SNAPC1: variants seen among roughly 807,000 people sequenced by gnomAD.
SNAPC1 encodes the protein small nuclear RNA activating complex polypeptide 1.
In SNAPC1, 42 loss-of-function variants were observed where a neutral mutation model predicts 50.1. The observed-to-expected ratio is 0.84, with a 90% confidence interval of 0.65 to 1.08. The LOEUF is 1.08. SNAPC1 is among the 50% of genes least tolerant of loss of function. The probability of loss-of-function intolerance (pLI) is 0.00; values close to 1 mark genes in which losing one functional copy is unlikely to be tolerated. For synonymous variants in SNAPC1, 164 were observed against 144.2 expected, an observed-to-expected ratio of 1.14 and a Z score of -0.98; for missense variants, 477 against 427.3, an observed-to-expected ratio of 1.12 and a Z score of -1.02.
rs1292327069 is a variant in SNAPC1 at position 61,764,599 on chromosome 14, G to A, written c.128+2011G>A. Among the ~76,000 whole-genome samples, 5 of 152,180 alleles carry A rather than the reference G, an allele frequency of 3.3e-5. 1 individual carries two copies. Among genetic ancestry groups the A allele is most frequent in the Non-Finnish European group, 7.4e-5 (5 of 68,026 alleles). ...TTTCTCCACCATTACAAAGATAGTGGATTGTAGAGCAGATGTTGGAAACTA... is the reference window on the plus strand; with the variant it reads ...TTTCTCCACCATTACAAAGATAGTGAATTGTAGAGCAGATGTTGGAAACTA... On this transcript the variant is annotated intron_variant, in intron 1 of 9. Coordinates refer to ENST00000216294, the MANE Select transcript of SNAPC1 (RefSeq NM_003082.4).
Position 61,783,864 on chromosome 14 carries a change from G to A in SNAPC1, c.976+1467G>A, listed in dbSNP as rs1415160040. Among the ~76,000 whole-genome samples, 5 of 152,054 alleles carry A rather than the reference G, an allele frequency of 3.3e-5. No individual in the cohort carries two copies. In the East Asian group the frequency reaches 9.6e-4, roughly 29 times the overall value. On this transcript the variant is annotated intron_variant, in intron 8 of 9. Transcript: ENST00000216294. ...TAGTTTGGTTTTTTAAAAATTGTCTGAATAATGTATATGCACCCTACATAA... is the reference window on the plus strand; with the variant it reads ...TAGTTTGGTTTTTTAAAAATTGTCTAAATAATGTATATGCACCCTACATAA...
rs1438989021 is a variant in SNAPC1 at position 61,779,060 on chromosome 14, A to G, written c.825+150A>G. The G allele has an allele frequency of 5.7e-6, 3 of 530,532 alleles. No individual in the cohort carries two copies. The East Asian group carries it at 1.0e-4, about 19-fold the overall frequency. 32.9% of individuals were successfully genotyped at this position (530,532 alleles called of 1,614,324 possible). On this transcript the variant is annotated intron_variant, in intron 7 of 9. Coordinates refer to ENST00000216294, the MANE Select transcript of SNAPC1 (RefSeq NM_003082.4). Reference sequence around the variant, plus strand: ...TAGCACAACAGTCCCCTTCTCTGCCACTTCCCACCCTTGTATTCCTAACCT... The same window carrying G: ...TAGCACAACAGTCCCCTTCTCTGCCGCTTCCCACCCTTGTATTCCTAACCT...
At chr14:61,793,697 C>T (rs1036814892) in intron 9 of SNAPC1, among the ~76,000 whole-genome samples, 2 of 132,078 alleles carry the variant, frequency 1.5e-5, no homozygotes, top group Non-Finnish European at 3.1e-5. Flanking sequence ...TGCTCTGTCA[C>T]CCAGGCTGGA....
At chr14:61,774,678 T>TTTTTTTTTG (rs750612622) in intron 4 of SNAPC1, among the ~76,000 whole-genome samples, 2 of 129,288 alleles carry the variant, frequency 1.5e-5, no homozygotes, top group African/African-American at 6.1e-5. Context: ...TTTTTTTTTT[T>TTTTTTTTTG]GAGAGGCAGA....
At chr14:61,762,628 C>T (rs750718689) in intron 1 of SNAPC1, 40 bp downstream of exon 1, 2 of 1,610,724 alleles carry the variant, frequency 1.2e-6, no homozygotes, top group African/African-American at 2.7e-5. Flanking sequence ...TCCCTGCCCG[C>T]AGGTGGTGTA....
chr14:61,763,690 A>G (rs527619766), intron 1 of SNAPC1, among the ~76,000 whole-genome samples: 1 of 151,788 alleles, frequency 6.6e-6, no homozygotes, highest in East Asian at 1.9e-4. Context: ...TTTTTATTTT[A>G]TGTCACCGCT....
intron 8 of SNAPC1, among the ~76,000 whole-genome samples, chr14:61,782,693 T>C (rs960923977): frequency 3.5e-4 from 53 of 152,238 alleles, no homozygotes; most frequent in African/African-American, 1.3e-3. Context: ...GCGGATCACT[T>C]GAGGTCAGGA....
At chr14:61,775,989 C>G in intron 4 of SNAPC1, 106 bp from the exon 5 acceptor site, 4 of 735,984 alleles carry the variant, frequency 5.4e-6, no homozygotes, top group Non-Finnish European at 8.8e-6. Context: ...ATGTTATTAC[C>G]TATCAACTGG....
intron 7 of SNAPC1, among the ~76,000 whole-genome samples, chr14:61,781,610 G>A (rs932867777): frequency 2.9e-4 from 42 of 145,346 alleles, no homozygotes; most frequent in Non-Finnish European, 5.0e-4. Context: ...TATCTGTGTC[G>A]CAGACAAAGC....
intron 8 of SNAPC1, among the ~76,000 whole-genome samples, chr14:61,783,838 A>G (rs1197257517): frequency 6.6e-6 from 1 of 152,118 alleles, no homozygotes; most frequent in African/African-American, 2.4e-5. Flanking sequence ...GCACCTGGCA[A>G]TAGTTTGGTT....
Position 61,780,291 on chromosome 14 carries a change from C to T in SNAPC1, c.825+1381C>T, listed in dbSNP as rs146029958. ...CTATTTTCAATAAGAGGCCTCATCT[C>T]CTTCCTCACCTACACCAGTTTCCTT... On this transcript the variant is annotated intron_variant, in intron 7 of 9. Coordinates refer to ENST00000216294, the MANE Select transcript of SNAPC1 (RefSeq NM_003082.4). Among the ~76,000 whole-genome samples the T allele has an allele frequency of 3.9e-5, 6 of 152,286 alleles. No homozygotes were observed. In the East Asian group the frequency reaches 1.2e-3, roughly 29 times the overall value.
chr14:61,768,761 T>G, intron 4 of SNAPC1, 21 bp downstream of exon 4: 1 of 1,356,724 alleles, frequency 7.4e-7, no homozygotes, highest in East Asian at 2.3e-5. Context: ...TTTTATGCTC[T>G]TGAAAATTTT....
At chr14:61,769,886 G>C (rs1222264760) in intron 4 of SNAPC1, among the ~76,000 whole-genome samples, 2 of 152,290 alleles carry the variant, frequency 1.3e-5, no homozygotes, top group East Asian at 3.9e-4. Flanking sequence ...CAAAATCTCA[G>C]TACAGGGTTA....
intron 4 of SNAPC1, among the ~76,000 whole-genome samples, chr14:61,771,560 T>C (rs2044991730): frequency 6.6e-6 from 1 of 152,216 alleles, no homozygotes; most frequent in Admixed American, 6.5e-5. Flanking sequence ...AAGTACTTTG[T>C]GTAATAGAAG....
At position 61,762,421 on chromosome 14, in the gene SNAPC1, G is replaced by C; in HGVS notation, c.-40G>C. On this transcript the variant is annotated 5_prime_UTR_variant, in exon 1 of 10. Transcript: ENST00000216294. ...GCGACCACCGCTGGCTAGTCCGTTA[G>C]AGGCGTGCGGGCTTCGGAGGCGTGC... The C allele has an allele frequency of 6.3e-7, 1 of 1,589,048 alleles. No homozygotes were observed. Among genetic ancestry groups the C allele is most frequent in the Non-Finnish European group, 8.5e-7 (1 of 1,171,458 alleles).
Position 61,763,828 on chromosome 14 carries a change from T to G in SNAPC1, c.128+1240T>G, listed in dbSNP as rs534670156. Among the ~76,000 whole-genome samples the G allele has an allele frequency of 1.8e-4, 27 of 152,294 alleles. No individual in the cohort carries two copies. The South Asian group carries it at 5.4e-3, about 30-fold the overall frequency. On this transcript the variant is annotated intron_variant, in intron 1 of 9. Transcript: ENST00000216294. The stretch of plus-strand genomic sequence containing the variant: ...ATGACTTGGGGCAAGTTACTTGAGT[T>G]TCCATATCTGTAAAATAGAGGCAAT...
Position 61,768,132 on chromosome 14 carries a change from T to G in SNAPC1, c.430-504T>G, listed in dbSNP as rs548907588. 3.3e-5 allele frequency among the ~76,000 whole-genome samples: 5 copies of G among 152,378 alleles called. No individual in the cohort carries two copies. The South Asian group carries it at 1.0e-3, about 32-fold the overall frequency. On this transcript the variant is annotated intron_variant, in intron 3 of 9. Transcript: ENST00000216294. ...ATTTTCTAATTACTACTTTTTTTTC[T>G]GCAAGCAAAAATTTAGCCTTTGCTT...
chr14:61,774,648 ATTTTTTT>A (rs35300490), intron 4 of SNAPC1, among the ~76,000 whole-genome samples: 19,226 of 90,750 alleles, frequency 0.21, 1,922 homozygotes, highest in South Asian at 0.41. Flanking sequence ...TCAGTTTCTC[ATTTTTTT>A]TTTTTTTTTT....
chr14:61,795,749 ACT>A lies in SNAPC1; in HGVS notation c.*769_*770del, dbSNP rs1023951637. The A allele has an allele frequency of 8.6e-5, 13 of 151,742 alleles. No homozygotes were observed. The highest frequency in any genetic ancestry group is 3.1e-4 in the African/African-American group (13 of 41,336). 9.4% of individuals were successfully genotyped at this position (151,742 alleles called of 1,614,324 possible). ...AAATCTGTAGCTTCATGAATATGCC[ACT>A]CTGTTAATTTCTTGTTCCAGACATT... On this transcript the variant is annotated 3_prime_UTR_variant, in exon 10 of 10. Coordinates refer to ENST00000216294, the MANE Select transcript of SNAPC1 (RefSeq NM_003082.4).
Sources: allele counts gnomAD v4.1 joint callset (sites outside exome capture counted in the v4.1 genomes callset), GRCh38; gene constraint gnomAD v4.1.1; transcripts MANE v1.5; gene names NCBI Gene and HGNC (gene_info 2026-07-23, HGNC 2026-07-21).